The following PAMR1 variants were observed in gnomAD, a reference collection of about 807,000 sequenced individuals.
PAMR1 encodes the protein inactive serine protease PAMR1.
Under a neutral mutation model 81.8 loss-of-function variants are expected in PAMR1, and 88 were observed. The observed-to-expected ratio is 1.08, with a 90% CI of 0.91 to 1.28. PAMR1 has a LOEUF of 1.28. Ranked by LOEUF, PAMR1 falls within the 50% of genes most tolerant of loss-of-function variation. The pLI is 0.00. For missense variants in PAMR1, 935 were observed against 919.7 expected, an observed-to-expected ratio of 1.02 and a Z score of -0.21; for synonymous variants, 336 against 345.3, an observed-to-expected ratio of 0.97 and a Z score of 0.30.
intron 1 of PAMR1, among the ~76,000 whole-genome samples, chr11:35,506,636 C>T (rs1215590993): frequency 6.6e-6 from 1 of 151,778 alleles, no homozygotes; most frequent in Non-Finnish European, 1.5e-5. Context: ...CCTCCTCCCC[C>T]ATGACCTGAG....
At chr11:35,441,869 CT>C (rs1380455890) in intron 6 of PAMR1, among the ~76,000 whole-genome samples, 176 bp from the exon 7 acceptor site, 2 of 152,046 alleles carry the variant, frequency 1.3e-5, no homozygotes, top group South Asian at 2.1e-4. Flanking sequence ...TGTATTTCCC[CT>C]GTTTTCATAA....
intron 7 of PAMR1, among the ~76,000 whole-genome samples, chr11:35,440,948 T>C (rs1393005259): frequency 6.6e-6 from 1 of 152,214 alleles, no homozygotes; most frequent in African/African-American, 2.4e-5. Context: ...TGCTGATCTC[T>C]CCTTTTGCTG....
At chr11:35,525,027 G>A (rs1851359121) in intron 1 of PAMR1, among the ~76,000 whole-genome samples, 1 of 152,132 alleles carries the variant, frequency 6.6e-6, no homozygotes. Context: ...TATGGCTGTA[G>A]GAGTTCGTGA....
At chr11:35,525,465 CCCTCCTAGGGTGT>C (rs745837984) in intron 1 of PAMR1, 35 bp downstream of exon 1, 16 of 1,499,514 alleles carry the variant, frequency 1.1e-5, no homozygotes, top group Admixed American at 8.6e-5. Flanking sequence ...GGAAAATGCT[CCCTCCTAGGGTGT>C]CCTCCTAGGG....
chr11:35,467,195 G>T (rs1856772824), intron 6 of PAMR1, among the ~76,000 whole-genome samples: 1 of 152,078 alleles, frequency 6.6e-6, no homozygotes, highest in South Asian at 2.1e-4. Flanking sequence ...ACTGAGGTTG[G>T]TATTTTGCCT....
chr11:35,451,059 C>CA (rs912649626), intron 6 of PAMR1, among the ~76,000 whole-genome samples: 2 of 152,260 alleles, frequency 1.3e-5, no homozygotes, highest in African/African-American at 4.8e-5. Context: ...ACTCTAGCCA[C>CA]ATCTGCCTCA....
rs1410883970 is a variant in PAMR1, at chr11:35,432,654, AC to A, written c.1864del (p.Val622SerfsTer20). On this transcript the variant is annotated frameshift_variant, in exon 11 of 11. Transcript: ENST00000619888. LOFTEE classifies it high-confidence loss of function. ...FKNDTLRSGVVSVVDSLLCEE... is the reference protein window; with the variant it reads ...FKNDTLRSGVXSVVDSLLCEE... ...ACACAGCAGCGAGTCCACCACACTG[AC>A]CACCCCAGAGCGCAGTGTGTCGTTC... 2 of 1,613,784 alleles carry A rather than the reference AC, an allele frequency of 1.2e-6. No individual in the cohort carries two copies. The highest frequency in any genetic ancestry group is 3.3e-5 in the Admixed American group (2 of 59,976).
Position 35,468,003 on chromosome 11 carries a change from T to A in PAMR1, c.818A>T (p.Asn273Ile), listed in dbSNP as rs1233113871. 1.3e-6 allele frequency: 2 copies of A among 1,551,078 alleles called. No homozygotes were observed. The change falls in exon 6 of 11, where the codon AAT becomes ATT. Residue 273 changes from asparagine (N) to isoleucine (I), a missense_variant and splice_region_variant. Asn to Ile is a moderately radical substitution (Grantham distance 149, BLOSUM62 -3). Transcript: ENST00000619888. ...TCCCACTTAGGAAGCATACTCACGA[T>A]TTTCACAGCGCTGCCCAGTATAGCC... ...LAGYTGQRCE[N>I]LLEERNCSDP...
chr11:35,444,272 AC>A (rs1197869491), intron 6 of PAMR1, among the ~76,000 whole-genome samples: 4 of 152,118 alleles, frequency 2.6e-5, no homozygotes, highest in African/African-American at 9.7e-5. Flanking sequence ...AGGTTCCAAA[AC>A]TTTTCTCCCA....
intron 6 of PAMR1, among the ~76,000 whole-genome samples, chr11:35,446,368 T>A (rs1856292996): frequency 6.6e-6 from 1 of 152,184 alleles, no homozygotes; most frequent in Non-Finnish European, 1.5e-5. Flanking sequence ...TTATTTCTTG[T>A]CTTCTGCTAG....
chr11:35,503,704 T>A (rs1850898134), intron 1 of PAMR1, among the ~76,000 whole-genome samples: 1 of 152,146 alleles, frequency 6.6e-6, no homozygotes, highest in Non-Finnish European at 1.5e-5. Flanking sequence ...TACTGATTCT[T>A]ATAGGTTGAT....
intron 3 of PAMR1, among the ~76,000 whole-genome samples, chr11:35,488,930 C>T (rs1193947013): frequency 6.6e-6 from 1 of 152,076 alleles, no homozygotes; most frequent in Non-Finnish European, 1.5e-5. Flanking sequence ...CCATCAAACA[C>T]AAAAACCTCT....
At chr11:35,437,375 T>C (rs1565324616) in intron 8 of PAMR1, among the ~76,000 whole-genome samples, 1 of 152,250 alleles carries the variant, frequency 6.6e-6, no homozygotes, top group Non-Finnish European at 1.5e-5. Context: ...TCCACCCTGG[T>C]GTCCCCCCAA....
intron 6 of PAMR1, among the ~76,000 whole-genome samples, chr11:35,452,693 G>T (rs947740974): frequency 2.6e-4 from 40 of 152,086 alleles, no homozygotes; most frequent in African/African-American, 8.9e-4. Flanking sequence ...TATTTTTGTT[G>T]TTTCTGGGGT....
At chr11:35,502,568 T>C (rs1026052338) in intron 1 of PAMR1, among the ~76,000 whole-genome samples, 4 of 152,336 alleles carry the variant, frequency 2.6e-5, no homozygotes, top group Non-Finnish European at 5.9e-5. Flanking sequence ...GCTTCATCCA[T>C]GTCCCTGCAA....
At chr11:35,497,874 GCTT>G (rs1195671133) in intron 1 of PAMR1, among the ~76,000 whole-genome samples, 1 of 151,868 alleles carries the variant, frequency 6.6e-6, no homozygotes, top group Non-Finnish European at 1.5e-5. Flanking sequence ...TATATATATA[GCTT>G]CTTTTTAACA....
At chr11:35,443,818 C>A (rs898642097) in intron 6 of PAMR1, among the ~76,000 whole-genome samples, 2 of 152,192 alleles carry the variant, frequency 1.3e-5, no homozygotes, top group Non-Finnish European at 2.9e-5. Flanking sequence ...TACATTCCAC[C>A]AGCAGTGTAA....
At chr11:35,450,367 C>T (rs73446914) in intron 6 of PAMR1, among the ~76,000 whole-genome samples, 3,411 of 152,104 alleles carry the variant, frequency 0.022, 111 homozygotes, top group African/African-American at 0.078. Context: ...CAAATGAATC[C>T]AAAGCCCCCA....
intron 6 of PAMR1, chr11:35,453,504 A>C (rs61880906): frequency 0.042 from 6,367 of 151,806 alleles, 207 homozygotes; most frequent in Non-Finnish European, 0.053. Flanking sequence ...TATTTTCTGT[A>C]CTTCCCAAAG....
Sources: gnomAD v4.1 joint callset for allele counts (sites outside exome capture counted in the v4.1 genomes callset) on GRCh38, gnomAD v4.1.1 for gene constraint, MANE v1.5 for transcripts, NCBI Gene and HGNC (gene_info 2026-07-23, HGNC 2026-07-21) for gene names.